ROBO2: variants seen among roughly 807,000 people sequenced by gnomAD.
ROBO2 encodes roundabout guidance receptor 2, also known as roundabout homolog 2.
ROBO2 carries 53 observed loss-of-function variants against 160.8 expected under a neutral mutation model. That is an observed-to-expected ratio of 0.33 (90% CI 0.26 to 0.41). ROBO2 has a LOEUF of 0.41. Among genes scored for constraint, ROBO2 ranks in the 10% least tolerant of loss-of-function variants. The pLI is 1.00. For synonymous variants in ROBO2, 664 were observed against 611.7 expected (o/e 1.09, Z -1.26); for missense variants, 1,577 against 1,722.4 (o/e 0.92, Z 1.49).
chr3:75,940,576 G>A (rs1267057468), intron 2 of ROBO2, among the ~76,000 whole-genome samples: 1 of 152,126 alleles, frequency 6.6e-6, no homozygotes, highest in Admixed American at 6.6e-5. Context: ...GTTTGTGCAT[G>A]AGAAAGTGTT....
intron 1 of ROBO2, among the ~76,000 whole-genome samples, chr3:77,092,775 G>A (rs1002262393): frequency 4.7e-5 from 7 of 149,738 alleles, no homozygotes; most frequent in Non-Finnish European, 8.9e-5. Flanking sequence ...TTCATACATC[G>A]CTTAGTATAT....
At chr3:75,937,098 A>G (rs966836350) in intron 1 of ROBO2, among the ~76,000 whole-genome samples, 53 of 152,146 alleles carry the variant, frequency 3.5e-4, no homozygotes, top group Admixed American at 3.1e-3. Flanking sequence ...TAGAGATTAC[A>G]TGGTATGTTA....
chr3:77,075,168 T>G (rs994819890), intron 1 of ROBO2, among the ~76,000 whole-genome samples: 10 of 152,316 alleles, frequency 6.6e-5, no homozygotes, highest in Admixed American at 6.5e-4. Flanking sequence ...CATTCCATAT[T>G]AGCATTATAG....
intron 2 of ROBO2, among the ~76,000 whole-genome samples, chr3:76,448,572 G>T (rs747132939): frequency 6.6e-6 from 1 of 152,070 alleles, no homozygotes; most frequent in African/African-American, 2.4e-5. Flanking sequence ...ATCTATTTAT[G>T]AGCTCTATAA....
chr3:76,876,850 G>T (rs1459216790), intron 2 of ROBO2, among the ~76,000 whole-genome samples: 1 of 152,054 alleles, frequency 6.6e-6, no homozygotes, highest in Non-Finnish European at 1.5e-5. Context: ...CTATTTCACT[G>T]CAATTAGAAA....
chr3:77,039,561 G>A (rs2063862949), upstream of ROBO2, among the ~76,000 whole-genome samples: 1 of 152,190 alleles, frequency 6.6e-6, no homozygotes, highest in Admixed American at 6.5e-5. Context: ...GCACCCGGGG[G>A]CGCGGAGAAG....
At chr3:76,239,200 T>G (rs1705141625) in intron 2 of ROBO2, among the ~76,000 whole-genome samples, 1 of 152,136 alleles carries the variant, frequency 6.6e-6, no homozygotes, top group African/African-American at 2.4e-5. Context: ...TAAATTTTTT[T>G]AAGGGAGGGC....
In ROBO2 at chr3:76,172,045, T is replaced by C. The variant is rs58348492; in HGVS notation, c.109+234443T>C. On this transcript the variant is annotated intron_variant, in intron 2 of 26. Transcript: ENST00000487694. ...CAGGTCAACTCCTAAGTTTTTCATATAATGAGCAGGCCCAAACCACACAGC... is the reference window on the plus strand; with the variant it reads ...CAGGTCAACTCCTAAGTTTTTCATACAATGAGCAGGCCCAAACCACACAGC... Among the ~76,000 whole-genome samples the C allele has an allele frequency of 0.023, 3,461 of 152,230 alleles. 238 individuals are homozygous for C. The East Asian group carries it at 0.23, about 10-fold the overall frequency.
chr3:76,465,334 A>G (rs945280472), intron 2 of ROBO2, among the ~76,000 whole-genome samples: 1 of 152,112 alleles, frequency 6.6e-6, no homozygotes, highest in African/African-American at 2.4e-5. Context: ...TTATTTGACC[A>G]ATTATAGAAG....
intron 2 of ROBO2, among the ~76,000 whole-genome samples, chr3:76,120,068 C>T (rs993290885): frequency 6.6e-6 from 1 of 151,688 alleles, no homozygotes; most frequent in Non-Finnish European, 1.5e-5. Flanking sequence ...ATGATCTCGG[C>T]TTACTGCAAC....
chr3:76,825,603 CAAAAAAAAAAAAA>C (rs201063990), intron 2 of ROBO2, among the ~76,000 whole-genome samples: 880 of 72,532 alleles, frequency 0.012, 29 homozygotes, highest in African/African-American at 0.043. Flanking sequence ...TCATCTTAGC[CAAAAAAAAAAAAA>C]AAAAAAAAAA....
intron 2 of ROBO2, among the ~76,000 whole-genome samples, chr3:76,239,572 A>T (rs1261230840): frequency 6.6e-6 from 1 of 151,872 alleles, no homozygotes; most frequent in Non-Finnish European, 1.5e-5. Context: ...CCTTGGGCAC[A>T]TGTGTGTTTT....
chr3:76,676,238 G>A (rs1314940312), intron 2 of ROBO2, among the ~76,000 whole-genome samples: 3 of 151,778 alleles, frequency 2.0e-5, no homozygotes, highest in Non-Finnish European at 2.9e-5. Context: ...CGATTTCCCC[G>A]TGCTGTTCTC....
intron 2 of ROBO2, among the ~76,000 whole-genome samples, chr3:76,174,827 G>A (rs2073168282): frequency 6.6e-6 from 1 of 152,084 alleles, no homozygotes; most frequent in African/African-American, 2.4e-5. Context: ...TTTTGCTTAG[G>A]ATTGTCTTGG....
exon 26 of ROBO2, chr3:77,647,885 AAGG>A (rs2095423148): frequency 6.6e-6 from 1 of 152,262 alleles, no homozygotes; most frequent in Admixed American, 6.5e-5. Flanking sequence ...TCGTTATAAC[AAGG>A]AGATGACATA....
intron 6 of ROBO2, among the ~76,000 whole-genome samples, chr3:77,543,352 A>C (rs546040921): frequency 6.6e-6 from 1 of 152,220 alleles, no homozygotes; most frequent in East Asian, 1.9e-4. Context: ...ACCAACCAGA[A>C]TGTATCATCA....
exon 1 of ROBO2, chr3:77,040,619 C>T: frequency 1.3e-6 from 2 of 1,483,636 alleles, no homozygotes; most frequent in South Asian, 1.4e-5. Flanking sequence ...CCGTTCGAGA[C>T]CTCTCCACCA....
chr3:76,432,889 A>G (rs1158235714), intron 2 of ROBO2, among the ~76,000 whole-genome samples: 1 of 151,670 alleles, frequency 6.6e-6, no homozygotes, highest in Non-Finnish European at 1.5e-5. Context: ...GGAGGAATGA[A>G]GGAAAAAAAG....
intron 2 of ROBO2, among the ~76,000 whole-genome samples, chr3:76,719,848 C>G (rs1354443870): frequency 6.7e-6 from 1 of 148,646 alleles, no homozygotes; most frequent in African/African-American, 2.5e-5. Flanking sequence ...TGCGCCACTG[C>G]ACTCCAGCCT....
Sources: gnomAD v4.1 joint callset for allele counts (sites outside exome capture counted in the v4.1 genomes callset) on GRCh38, gnomAD v4.1.1 for gene constraint, MANE v1.5 for transcripts, NCBI Gene and HGNC (gene_info 2026-07-23, HGNC 2026-07-21) for gene names.